The following LINGO2 variants were observed in gnomAD, a reference collection of about 807,000 sequenced individuals.
The protein encoded by LINGO2 is leucine-rich repeat and immunoglobulin-like domain-containing nogo receptor-interacting protein 2.
In LINGO2, 14 loss-of-function variants were observed where a neutral mutation model predicts 30.6. The ratio of observed to expected loss-of-function variants is 0.46; its 90% confidence interval spans 0.30 to 0.72. The LOEUF (loss-of-function observed/expected upper bound fraction) is 0.72. Ranked by LOEUF, LINGO2 falls within the 30% of genes least tolerant of loss-of-function variation. LINGO2 has a pLI of 0.07. For synonymous variants in LINGO2, 317 were observed against 288.5 expected, an observed-to-expected ratio of 1.10 and a Z score of -1.00; for missense variants, 729 against 751.7, an observed-to-expected ratio of 0.97 and a Z score of 0.35.
chr9:28,033,267 T>C (rs1472811704), intron 4 of LINGO2, among the ~76,000 whole-genome samples: 1 of 152,194 alleles, frequency 6.6e-6, no homozygotes, highest in Non-Finnish European at 1.5e-5. Flanking sequence ...TTCAGAACTA[T>C]ACATGTTACA....
chr9:28,987,643 G>C, the LINGO2 span, among the ~76,000 whole-genome samples: 1 of 151,906 alleles, frequency 6.6e-6, no homozygotes, highest in African/African-American at 2.4e-5. Flanking sequence ...TTGTTTATCT[G>C]AGATCCCTCT....
chr9:28,991,240 C>T, the LINGO2 span, among the ~76,000 whole-genome samples: 9 of 151,090 alleles, frequency 6.0e-5, no homozygotes, highest in Non-Finnish European at 7.4e-5. Flanking sequence ...GGAGCCGACG[C>T]GATCAACTGG....
chr9:28,186,836 G>A (rs1418492135), intron 4 of LINGO2, among the ~76,000 whole-genome samples: 1 of 151,634 alleles, frequency 6.6e-6, no homozygotes, highest in African/African-American at 2.4e-5. Context: ...GATCAGCAAG[G>A]AGAAGTGTAG....
the LINGO2 span, among the ~76,000 whole-genome samples, chr9:28,956,056 A>C: frequency 6.6e-6 from 1 of 151,556 alleles, no homozygotes; most frequent in Admixed American, 6.6e-5. Flanking sequence ...AGGTTAAAAA[A>C]AAATTAGGTG....
chr9:28,497,002 C>T (rs1035375100), intron 1 of LINGO2, among the ~76,000 whole-genome samples: 2 of 152,248 alleles, frequency 1.3e-5, no homozygotes, highest in Admixed American at 1.3e-4. Flanking sequence ...TCTCTTCTGG[C>T]TTGTAGAGTT....
intron 4 of LINGO2, among the ~76,000 whole-genome samples, chr9:28,277,994 T>C (rs1823188365): frequency 6.6e-6 from 1 of 152,140 alleles, no homozygotes; most frequent in Non-Finnish European, 1.5e-5. Context: ...TTAAAAGTGC[T>C]ACTCCAGTGA....
the LINGO2 span, among the ~76,000 whole-genome samples, chr9:29,013,925 T>A: frequency 1.3e-4 from 20 of 152,084 alleles, no homozygotes; most frequent in African/African-American, 4.8e-4. Flanking sequence ...TTATTAACTC[T>A]CCTTTATAAT....
At chr9:28,359,983 A>G (rs1409934919) in intron 3 of LINGO2, among the ~76,000 whole-genome samples, 1 of 152,108 alleles carries the variant, frequency 6.6e-6, no homozygotes, top group Non-Finnish European at 1.5e-5. Flanking sequence ...ACTCATGTAG[A>G]TTGAGGTTAA....
chr9:28,026,591 C>T (rs1177702394), intron 4 of LINGO2, among the ~76,000 whole-genome samples: 1 of 152,182 alleles, frequency 6.6e-6, no homozygotes, highest in Non-Finnish European at 1.5e-5. Context: ...ATAAAGCTTG[C>T]ATTTTGGATC....
chr9:28,792,575 T>G, the LINGO2 span, among the ~76,000 whole-genome samples: 10 of 152,130 alleles, frequency 6.6e-5, no homozygotes, highest in Non-Finnish European at 1.3e-4. Context: ...CCAAGTGGGT[T>G]TTTATGTCAT....
chr9:28,769,500 ATATATATATATATATATATTTTTTT>A, the LINGO2 span, among the ~76,000 whole-genome samples: 2 of 5,516 alleles, frequency 3.6e-4, no homozygotes, highest in South Asian at 5.1e-3. Context: ...ATATATATAT[ATATATATATATATATATATTTTTTT>A]TTTTTTTTTT....
At chr9:28,555,736 C>G (rs1239057903) in intron 1 of LINGO2, among the ~76,000 whole-genome samples, 2 of 151,934 alleles carry the variant, frequency 1.3e-5, no homozygotes, top group Non-Finnish European at 2.9e-5. Flanking sequence ...AACATTGATG[C>G]AAAAATCCTC....
the LINGO2 span, among the ~76,000 whole-genome samples, chr9:28,811,721 C>T: frequency 2.2e-4 from 33 of 152,188 alleles, no homozygotes; most frequent in South Asian, 3.7e-3. Context: ...AATTCTTTAA[C>T]CATAATTTTG....
the LINGO2 span, among the ~76,000 whole-genome samples, chr9:28,721,705 T>A: frequency 6.6e-6 from 1 of 151,900 alleles, no homozygotes; most frequent in African/African-American, 2.4e-5. Context: ...AAATACCCAA[T>A]GCATGTGGGG....
the LINGO2 span, among the ~76,000 whole-genome samples, chr9:29,189,131 G>GACCCCCCCACCTCCCT: frequency 7.2e-6 from 1 of 138,650 alleles, no homozygotes; most frequent in Non-Finnish European, 1.6e-5. Flanking sequence ...CGGGGCGGCT[G>GACCCCCCCACCTCCCT]GCCGGGCGGG....
the LINGO2 span, among the ~76,000 whole-genome samples, chr9:28,991,631 C>A: frequency 6.7e-6 from 1 of 148,920 alleles, no homozygotes; most frequent in Non-Finnish European, 1.5e-5. Flanking sequence ...TCGGGTTACC[C>A]ACAAAGGGAA....
At position 28,006,103 on chromosome 9, in the gene LINGO2, A is replaced by G. The variant is rs1024282549; in HGVS notation, c.-36+6252T>C. Among the ~76,000 whole-genome samples the G allele has an allele frequency of 6.7e-4, 102 of 152,130 alleles. 3 individuals carry two copies. The highest frequency in any genetic ancestry group is 2.3e-3 in the African/African-American group (97 of 41,430). ...GACATTAAGATTTATTTCCAGTGTC[A>G]CCAGGAGAGCTTTGCTACCCATGCA... On this transcript the variant is annotated intron_variant, in intron 5 of 5. Transcript: ENST00000379992.
chr9:28,055,489 A>G (rs776011459), intron 4 of LINGO2, among the ~76,000 whole-genome samples: 19 of 152,182 alleles, frequency 1.2e-4, no homozygotes, highest in Admixed American at 7.9e-4. Flanking sequence ...AAAAGAGAGT[A>G]AGGTTCACTT....
At chr9:28,530,577 T>C (rs1821194740) in intron 1 of LINGO2, among the ~76,000 whole-genome samples, 1 of 152,128 alleles carries the variant, frequency 6.6e-6, no homozygotes, top group Admixed American at 6.6e-5. Context: ...AACTACTGTG[T>C]GAAAAAGAAT....
Sources: gnomAD v4.1 joint callset for allele counts (sites outside exome capture counted in the v4.1 genomes callset) on GRCh38, gnomAD v4.1.1 for gene constraint, MANE v1.5 for transcripts, NCBI Gene and HGNC (gene_info 2026-07-23, HGNC 2026-07-21) for gene names.